Variants in INSL6 observed in about 807,000 individuals in gnomAD.
The protein encoded by INSL6 is insulin-like peptide INSL6.
Under a neutral mutation model 9.4 loss-of-function variants are expected in INSL6, and 16 were observed. That is an observed-to-expected ratio of 1.70 (90% CI 1.15 to 2.59). The LOEUF is 2.59. Ranked by LOEUF, INSL6 falls within the 30% of genes most tolerant of loss-of-function variation. INSL6 has a pLI of 0.00. For missense variants in INSL6, 391 were observed against 257.3 expected (o/e 1.52, Z -3.56); for synonymous variants, 154 against 96.9 (o/e 1.59, Z -3.46).
the INSL6 span, among the ~76,000 whole-genome samples, chr9:5,115,489 G>A: frequency 1.3e-5 from 2 of 152,172 alleles, no homozygotes; most frequent in African/African-American, 4.8e-5. Context: ...CAACCATTGT[G>A]GAAGACAGTG....
At chr9:5,172,093 A>C (rs917845404) in intron 1 of INSL6, among the ~76,000 whole-genome samples, 28 of 152,194 alleles carry the variant, frequency 1.8e-4, no homozygotes, top group Non-Finnish European at 1.2e-4. Context: ...ACTATACTAC[A>C]AGGGTACAGT....
intron 1 of INSL6, among the ~76,000 whole-genome samples, chr9:5,166,970 G>A (rs755202984): frequency 5.9e-5 from 9 of 152,114 alleles, no homozygotes; most frequent in Non-Finnish European, 8.8e-5. Context: ...AGCCAAGATG[G>A]CTGAATAGAA....
chr9:5,122,903 T>G, downstream of INSL6: 2 of 734,700 alleles, frequency 2.7e-6, no homozygotes, highest in South Asian at 2.4e-5. Flanking sequence ...AACTCTTTTC[T>G]CTACATGTTT....
the INSL6 span, among the ~76,000 whole-genome samples, chr9:5,004,873 A>G: frequency 6.7e-6 from 1 of 150,348 alleles, no homozygotes; most frequent in Admixed American, 6.6e-5. Context: ...GCATTTAGTG[A>G]TGTTGAACGT....
At chr9:5,016,593 T>G in the INSL6 span, among the ~76,000 whole-genome samples, 3 of 152,218 alleles carry the variant, frequency 2.0e-5, no homozygotes, top group African/African-American at 7.2e-5. Context: ...AACAGGAAAG[T>G]ATGCTACTCA....
At chr9:5,037,747 C>T in the INSL6 span, among the ~76,000 whole-genome samples, 277 of 152,030 alleles carry the variant, frequency 1.8e-3, 5 homozygotes, top group Non-Finnish European at 2.2e-4. Context: ...AGGAAATATA[C>T]CTAATGTTAA....
chr9:5,139,591 A>C (rs1824450394), intron 2 of INSL6, among the ~76,000 whole-genome samples: 1 of 152,190 alleles, frequency 6.6e-6, no homozygotes, highest in African/African-American at 2.4e-5. Context: ...AAGGTATCAT[A>C]TCTGCTACAT....
intron 1 of INSL6, among the ~76,000 whole-genome samples, chr9:5,165,338 GTT>G (rs1337349604): frequency 6.6e-6 from 1 of 152,184 alleles, no homozygotes; most frequent in Non-Finnish European, 1.5e-5. Flanking sequence ...TTTGTTTGAT[GTT>G]TTGAGGAACT....
At chr9:5,106,029 G>A in the INSL6 span, among the ~76,000 whole-genome samples, 2 of 152,126 alleles carry the variant, frequency 1.3e-5, no homozygotes, top group Admixed American at 1.3e-4. Context: ...GAAAACGCCA[G>A]AAACAAAGGC....
chr9:5,105,526 G>A, the INSL6 span, among the ~76,000 whole-genome samples: 1 of 152,084 alleles, frequency 6.6e-6, no homozygotes, highest in African/African-American at 2.4e-5. Flanking sequence ...TCCCCATCAA[G>A]CTACCAATGA....
At chr9:5,148,514 C>T (rs975157508) in intron 2 of INSL6, among the ~76,000 whole-genome samples, 7 of 152,130 alleles carry the variant, frequency 4.6e-5, no homozygotes, top group South Asian at 2.1e-4. Context: ...TTAGGTATTT[C>T]GGGGCCACAG....
the INSL6 span, among the ~76,000 whole-genome samples, chr9:5,029,395 T>C: frequency 6.6e-6 from 1 of 152,140 alleles, no homozygotes; most frequent in African/African-American, 2.4e-5. Context: ...TCATAACTGA[T>C]ATAATAATAA....
chr9:5,145,583 T>C (rs1470018923), intron 2 of INSL6, among the ~76,000 whole-genome samples: 3 of 152,194 alleles, frequency 2.0e-5, no homozygotes, highest in Non-Finnish European at 4.4e-5. Flanking sequence ...CCCAGCTCTT[T>C]CAGATATACC....
chr9:5,185,187 A>G (rs1825540457), intron 1 of INSL6, 127 bp downstream of exon 1: 4 of 1,216,860 alleles, frequency 3.3e-6, no homozygotes, highest in South Asian at 2.6e-5. Context: ...GTTTTTTACA[A>G]TTTTTTAAAG....
intron 1 of INSL6, among the ~76,000 whole-genome samples, chr9:5,178,099 T>C (rs1825354490): frequency 6.6e-6 from 1 of 152,184 alleles, no homozygotes; most frequent in African/African-American, 2.4e-5. Flanking sequence ...GGTCTTGAAC[T>C]CCTGATGTCA....
chr9:5,093,064 C>T, the INSL6 span, among the ~76,000 whole-genome samples: 1 of 152,090 alleles, frequency 6.6e-6, no homozygotes, highest in Non-Finnish European at 1.5e-5. Context: ...CTGGTCTAAT[C>T]TATTATTTAA....
chr9:5,018,795 C>G, the INSL6 span, among the ~76,000 whole-genome samples: 1 of 152,226 alleles, frequency 6.6e-6, no homozygotes, highest in Non-Finnish European at 1.5e-5. Flanking sequence ...GTATCCTTGA[C>G]TTGCAGGTTT....
At chr9:5,076,087 G>A in the INSL6 span, among the ~76,000 whole-genome samples, 1 of 152,172 alleles carries the variant, frequency 6.6e-6, no homozygotes, top group Non-Finnish European at 1.5e-5. Context: ...ACAATCTCAC[G>A]ATAAGCCCTG....
At chr9:5,053,024 T>C in the INSL6 span, among the ~76,000 whole-genome samples, 1 of 152,204 alleles carries the variant, frequency 6.6e-6, no homozygotes, top group South Asian at 2.1e-4. Context: ...AGGAGTGGAA[T>C]TCCTGGAACA....
Sources: gnomAD v4.1 joint callset for allele counts (sites outside exome capture counted in the v4.1 genomes callset) on GRCh38, gnomAD v4.1.1 for gene constraint, MANE v1.5 for transcripts, NCBI Gene and HGNC (gene_info 2026-07-23, HGNC 2026-07-21) for gene names.